The following YIPF7 variants were observed in gnomAD, a reference collection of about 807,000 sequenced individuals.
YIPF7 encodes Yip1 domain family member 7.
YIPF7 carries 35 observed loss-of-function variants against 27.2 expected under a neutral mutation model. The observed-to-expected ratio is 1.29, with a 90% CI of 0.98 to 1.70. The LOEUF (loss-of-function observed/expected upper bound fraction) is 1.70, where lower values mean the gene tolerates loss of function less well. Among genes scored for constraint, YIPF7 ranks in the 40% most tolerant of loss-of-function variants. The probability of loss-of-function intolerance (pLI) is 0.00; values close to 1 mark genes in which losing one functional copy is unlikely to be tolerated. For synonymous variants in YIPF7, 137 were observed against 110.4 expected (o/e 1.24, Z -1.51); for missense variants, 358 against 303.7 (o/e 1.18, Z -1.33).
At chr4:44,623,582 C>A (rs1449231486) in intron 5 of YIPF7, among the ~76,000 whole-genome samples, 1 of 152,158 alleles carries the variant, frequency 6.6e-6, no homozygotes, top group Admixed American at 6.5e-5. Flanking sequence ...AAAAGCTCCA[C>A]AGTATAGCTT....
At chr4:44,631,523 A>G (rs186290566) in intron 3 of YIPF7, among the ~76,000 whole-genome samples, 1 of 152,300 alleles carries the variant, frequency 6.6e-6, no homozygotes, top group East Asian at 1.9e-4. Context: ...AGGGTCAGCT[A>G]GACACTGGTC....
At chr4:44,638,893 A>T (rs1290633982) in intron 2 of YIPF7, among the ~76,000 whole-genome samples, 1 of 152,122 alleles carries the variant, frequency 6.6e-6, no homozygotes, top group Non-Finnish European at 1.5e-5. Context: ...GGTCCAGTTT[A>T]ATTCTTCTGC....
intron 4 of YIPF7, among the ~76,000 whole-genome samples, chr4:44,628,282 T>C (rs1168987156): frequency 6.6e-6 from 1 of 152,174 alleles, no homozygotes; most frequent in Non-Finnish European, 1.5e-5. Context: ...GAATATGACA[T>C]TATTGGCCAT....
chr4:44,642,654 T>C (rs1408011360), intron 2 of YIPF7, among the ~76,000 whole-genome samples: 4 of 152,086 alleles, frequency 2.6e-5, no homozygotes, highest in Non-Finnish European at 5.9e-5. Flanking sequence ...TGGGGGCAAT[T>C]TCTCATGAAT....
At chr4:44,627,024 C>A (rs1398507912) in intron 4 of YIPF7, among the ~76,000 whole-genome samples, 4 of 151,690 alleles carry the variant, frequency 2.6e-5, no homozygotes, top group Non-Finnish European at 5.9e-5. Context: ...GCTCGTGATC[C>A]GCCCGCCTCG....
At chr4:44,636,136 G>C in intron 2 of YIPF7, 51 bp from the exon 3 acceptor site, 1 of 1,502,208 alleles carries the variant, frequency 6.7e-7, no homozygotes, top group African/African-American at 1.4e-5. Flanking sequence ...AAGGTATCAT[G>C]ACAAAGGAGG....
At chr4:44,650,743 T>C (rs1713706968) in intron 1 of YIPF7, among the ~76,000 whole-genome samples, 1 of 152,200 alleles carries the variant, frequency 6.6e-6, no homozygotes, top group Non-Finnish European at 1.5e-5. Context: ...AAGGGAAGTC[T>C]TTGTTCTATA....
rs2109571903 is a variant in YIPF7, at chr4:44,622,174, A to C, written c.*240T>G. 3.9e-6 allele frequency: 2 copies of C among 509,240 alleles called. No individual in the cohort carries two copies. Among genetic ancestry groups the C allele is most frequent in the East Asian group, 7.0e-5 (2 of 28,408 alleles). The allele number at this position is 509,240 out of a possible 1,614,324, so 31.5% of individuals were successfully genotyped here. A position where few individuals can be genotyped will look rare whatever the true frequency, so the allele number is the denominator to read the frequency against. ...AAAAGCAGGGTTGATCAGTACAGCA[A>C]CTGTATCCCTTTTGATTTTAAGTAT... On this transcript the variant is annotated 3_prime_UTR_variant, in exon 6 of 6. Coordinates refer to ENST00000415895, the MANE Select transcript of YIPF7 (RefSeq NM_182592.3).
chr4:44,623,901 G>C (rs1712526800), intron 5 of YIPF7, among the ~76,000 whole-genome samples: 1 of 152,198 alleles, frequency 6.6e-6, no homozygotes, highest in African/African-American at 2.4e-5. Flanking sequence ...CCAGAAGGCA[G>C]AGTGCCTGAA....
chr4:44,657,564 C>T (rs190020198), intron 2 of YIPF7, among the ~76,000 whole-genome samples: 70 of 152,244 alleles, frequency 4.6e-4, no homozygotes, highest in South Asian at 2.7e-3. Context: ...TGCTTGGAGT[C>T]AACCTCCTGC....
chr4:44,635,815 T>A, intron 3 of YIPF7, 107 bp downstream of exon 3: 1 of 1,270,986 alleles, frequency 7.9e-7, no homozygotes, highest in South Asian at 1.7e-5. Context: ...TGTGAAACAA[T>A]CAAACATAAG....
intron 2 of YIPF7, among the ~76,000 whole-genome samples, chr4:44,648,916 T>A (rs1713625277): frequency 6.6e-6 from 1 of 152,186 alleles, no homozygotes; most frequent in Non-Finnish European, 1.5e-5. Flanking sequence ...TTTGCCGCTA[T>A]CAAATTCTTA....
chr4:44,629,404 A>G lies in YIPF7; in HGVS notation c.425T>C (p.Leu142Pro). ...CTGGTGCTTCCTGTGACACATTACCAGAAGCAAGGTGGCTCCCAGGGCTAC... is the reference window on the plus strand; with the variant it reads ...CTGGTGCTTCCTGTGACACATTACCGGAAGCAAGGTGGCTCCCAGGGCTAC... ...FCVALGATLL[L>P]AGKVQFGYVY... The change falls in exon 4 of 6, where the codon CTG becomes CCG. Residue 142 changes from leucine (L) to proline (P), a missense_variant and splice_region_variant. Leu to Pro is a moderately conservative substitution (Grantham distance 98). Coordinates refer to ENST00000415895, the MANE Select transcript of YIPF7 (RefSeq NM_182592.3). 1 of 1,587,196 alleles carries G rather than the reference A, an allele frequency of 6.3e-7. No homozygotes were observed. The highest frequency in any genetic ancestry group is 1.2e-5 in the South Asian group (1 of 85,554).
chr4:44,643,532 A>G (rs373438178), intron 2 of YIPF7, among the ~76,000 whole-genome samples: 13 of 152,234 alleles, frequency 8.5e-5, no homozygotes, highest in African/African-American at 2.9e-4. Flanking sequence ...AAACAATTGC[A>G]TAAGTTAAAA....
intron 3 of YIPF7, among the ~76,000 whole-genome samples, chr4:44,634,537 GA>G (rs928879014): frequency 1.9e-4 from 29 of 150,086 alleles, no homozygotes; most frequent in Non-Finnish European, 3.9e-4. Flanking sequence ...ATCTCAAAAA[GA>G]AAAAAAATAC....
intron 2 of YIPF7, among the ~76,000 whole-genome samples, chr4:44,641,037 G>C (rs1306965870): frequency 6.6e-6 from 1 of 152,000 alleles, no homozygotes; most frequent in African/African-American, 2.4e-5. Flanking sequence ...GTTAGATCTA[G>C]GGTTTGAGAG....
At chr4:44,641,039 G>C (rs1376601516) in intron 2 of YIPF7, among the ~76,000 whole-genome samples, 1 of 152,030 alleles carries the variant, frequency 6.6e-6, no homozygotes, top group Non-Finnish European at 1.5e-5. Flanking sequence ...TAGATCTAGG[G>C]TTTGAGAGAG....
chr4:44,629,034 T>G (rs961800020), intron 4 of YIPF7: 6 of 159,476 alleles, frequency 3.8e-5, no homozygotes, highest in Non-Finnish European at 1.4e-5. Flanking sequence ...GAGAAGTGAC[T>G]TCTTCAGTGT....
intron 2 of YIPF7, among the ~76,000 whole-genome samples, chr4:44,637,866 A>T (rs1713184027): frequency 6.6e-6 from 1 of 152,182 alleles, no homozygotes; most frequent in Admixed American, 6.5e-5. Context: ...TTCTTGAGTT[A>T]CTTCACTTAG....
Sources: gnomAD v4.1 joint callset for allele counts (sites outside exome capture counted in the v4.1 genomes callset) on GRCh38, gnomAD v4.1.1 for gene constraint, MANE v1.5 for transcripts, NCBI Gene and HGNC (gene_info 2026-07-23, HGNC 2026-07-21) for gene names.